DENND5B: variants seen among roughly 807,000 people sequenced by gnomAD.
The protein encoded by DENND5B is DENN domain containing 5B.
A neutral mutation model predicts 140.6 loss-of-function variants in DENND5B; 34 were observed. The ratio of observed to expected loss-of-function variants is 0.24; its 90% CI spans 0.18 to 0.32. DENND5B has a LOEUF of 0.32. Ranked by LOEUF, DENND5B falls within the 10% of genes least tolerant of loss-of-function variation. DENND5B has a pLI of 1.00. For synonymous variants in DENND5B, 551 were observed against 562.1 expected, an observed-to-expected ratio of 0.98 and a Z score of 0.28; for missense variants, 1,142 against 1,560.2, an observed-to-expected ratio of 0.73 and a Z score of 4.52.
intron 17 of DENND5B, among the ~76,000 whole-genome samples, chr12:31,396,774 C>A (rs972943731): frequency 6.6e-6 from 1 of 152,016 alleles, no homozygotes; most frequent in East Asian, 1.9e-4. Context: ...AGGCATGCAC[C>A]ACATGCCTGG....
intron 1 of DENND5B, among the ~76,000 whole-genome samples, chr12:31,501,303 G>A (rs769712064): frequency 6.6e-6 from 1 of 152,156 alleles, no homozygotes; most frequent in Non-Finnish European, 1.5e-5. Context: ...GCCATATGAA[G>A]AAGGATGTGT....
chr12:31,506,034 G>A (rs760165549), intron 1 of DENND5B, among the ~76,000 whole-genome samples: 20 of 151,628 alleles, frequency 1.3e-4, no homozygotes, highest in South Asian at 2.1e-4. Context: ...GCAGGGTTTC[G>A]CCACACTGCC....
chr12:31,512,989 AC>A (rs1052258355), intron 1 of DENND5B, among the ~76,000 whole-genome samples: 1 of 152,172 alleles, frequency 6.6e-6, no homozygotes, highest in Non-Finnish European at 1.5e-5. Flanking sequence ...CAAGAATCTC[AC>A]CCAAAATACC....
intron 1 of DENND5B, among the ~76,000 whole-genome samples, chr12:31,580,764 G>A (rs569460037): frequency 6.6e-6 from 1 of 151,702 alleles, no homozygotes; most frequent in Admixed American, 6.6e-5. Context: ...CAAAGTGCTG[G>A]GATTATAGGG....
chr12:31,589,359 A>G (rs1950519572), intron 1 of DENND5B, among the ~76,000 whole-genome samples: 1 of 152,234 alleles, frequency 6.6e-6, no homozygotes, highest in African/African-American at 2.4e-5. Context: ...ACACATACGG[A>G]AAAACTTGGT....
chr12:31,392,814 C>T, intron 17 of DENND5B, 118 bp from the exon 18 acceptor site: 4 of 973,796 alleles, frequency 4.1e-6, no homozygotes, highest in Non-Finnish European at 4.4e-6. Flanking sequence ...GCTGGCTTTG[C>T]CAGGGGCTCC....
intron 1 of DENND5B, among the ~76,000 whole-genome samples, chr12:31,514,313 A>G (rs1041899856): frequency 6.6e-6 from 1 of 152,196 alleles, no homozygotes. Context: ...ATATAAGCAC[A>G]CTCTATGATG....
chr12:31,520,702 G>A (rs1221431466), intron 1 of DENND5B, among the ~76,000 whole-genome samples: 3 of 151,900 alleles, frequency 2.0e-5, no homozygotes, highest in Admixed American at 1.3e-4. Context: ...CACCATGCCC[G>A]GCTAATTTTT....
At chr12:31,511,774 T>G (rs1269581881) in intron 1 of DENND5B, among the ~76,000 whole-genome samples, 2 of 152,108 alleles carry the variant, frequency 1.3e-5, no homozygotes, top group African/African-American at 4.8e-5. Flanking sequence ...GAATAAAAAC[T>G]GTACTCTTAG....
chr12:31,494,878 C>T (rs868648870), intron 2 of DENND5B, among the ~76,000 whole-genome samples: 1 of 152,160 alleles, frequency 6.6e-6, no homozygotes, highest in African/African-American at 2.4e-5. Flanking sequence ...GCTGCTTGCT[C>T]GGGCCTGCTC....
chr12:31,547,676 T>C (rs1294575686), intron 1 of DENND5B, among the ~76,000 whole-genome samples: 17 of 152,076 alleles, frequency 1.1e-4, no homozygotes, highest in Admixed American at 1.1e-3. Context: ...ATTACAGGCG[T>C]AAACCACTGC....
chr12:31,464,429 C>T (rs1945162803), intron 3 of DENND5B, among the ~76,000 whole-genome samples: 1 of 152,160 alleles, frequency 6.6e-6, no homozygotes, highest in African/African-American at 2.4e-5. Context: ...TTCAACAGTA[C>T]CCTATCTTTA....
intron 1 of DENND5B, among the ~76,000 whole-genome samples, chr12:31,559,842 G>A (rs2139318408): frequency 6.6e-6 from 1 of 152,078 alleles, no homozygotes; most frequent in African/African-American, 2.4e-5. Context: ...AATTTTTTAG[G>A]AATTTTACAA....
rs771712867 is a variant in DENND5B at position 31,449,731 on chromosome 12, G to GTTTTTTTTTTTTT, written c.1630-1975_1630-1963dup. Among the ~76,000 whole-genome samples the GTTTTTTTTTTTTT allele has an allele frequency of 8.5e-3, 766 of 89,810 alleles. 86 individuals carry two copies. Among genetic ancestry groups the GTTTTTTTTTTTTT allele is most frequent in the East Asian group, 0.024 (61 of 2,506 alleles). The allele number at this position is 89,810 out of a possible 152,430, so 58.9% of individuals were successfully genotyped here. On this transcript the variant is annotated intron_variant, in intron 5 of 20. Coordinates refer to ENST00000389082, the MANE Select transcript of DENND5B (RefSeq NM_144973.4). Reference sequence around the variant, plus strand: ...ATAAACCATGGATATACACAGATTAGTTTTTTTTTTTTTTTTTTGAGACAG... The same window carrying GTTTTTTTTTTTTT: ...ATAAACCATGGATATACACAGATTAGTTTTTTTTTTTTTTTTTTTTTTTTTTTTTTTGAGACAG...
intron 1 of DENND5B, chr12:31,499,524 A>G (rs2138804894): frequency 1.7e-6 from 2 of 1,185,298 alleles, no homozygotes; most frequent in East Asian, 2.8e-5. Flanking sequence ...AAAACTGAAT[A>G]AAGAAACATT....
chr12:31,393,806 G>C (rs1475094924), intron 17 of DENND5B, among the ~76,000 whole-genome samples: 1 of 152,118 alleles, frequency 6.6e-6, no homozygotes, highest in African/African-American at 2.4e-5. Context: ...TCCTGCCTCA[G>C]CCTCCCGTGT....
chr12:31,424,801 T>C, intron 9 of DENND5B, 114 bp from the exon 10 acceptor site: 4 of 1,366,802 alleles, frequency 2.9e-6, no homozygotes, highest in Non-Finnish European at 4.0e-6. Flanking sequence ...ATTTGCAGAT[T>C]TGTAATCACC....
chr12:31,507,062 C>A (rs909249924), intron 1 of DENND5B, among the ~76,000 whole-genome samples: 1 of 152,192 alleles, frequency 6.6e-6, no homozygotes, highest in Non-Finnish European at 1.5e-5. Context: ...CAGCGCCTAT[C>A]CTGAAGCTAT....
At chr12:31,473,019 A>C (rs932606182) in intron 3 of DENND5B, among the ~76,000 whole-genome samples, 2 of 151,844 alleles carry the variant, frequency 1.3e-5, no homozygotes, top group Admixed American at 1.3e-4. Flanking sequence ...AGGTTACTGC[A>C]ACCTCCACCT....
Sources: allele counts gnomAD v4.1 joint callset (sites outside exome capture counted in the v4.1 genomes callset), GRCh38; gene constraint gnomAD v4.1.1; transcripts MANE v1.5; gene names NCBI Gene and HGNC (gene_info 2026-07-23, HGNC 2026-07-21).